Variants in PLCB1 observed in about 807,000 individuals in gnomAD.
PLCB1 encodes phospholipase C beta 1.
A neutral mutation model predicts 161.8 loss-of-function variants in PLCB1; 46 were observed. That is an observed-to-expected ratio of 0.28 (90% CI 0.22 to 0.36). PLCB1 has a LOEUF of 0.36. Ranked by LOEUF, PLCB1 falls within the 10% of genes least tolerant of loss-of-function variation. The pLI is 1.00. For missense variants in PLCB1, 1,016 were observed against 1,472.5 expected, an observed-to-expected ratio of 0.69 and a Z score of 5.07; for synonymous variants, 517 against 503.7, an observed-to-expected ratio of 1.03 and a Z score of -0.35.
At chr20:8,574,834 T>C (rs57246131) in intron 3 of PLCB1, among the ~76,000 whole-genome samples, 13 of 152,344 alleles carry the variant, frequency 8.5e-5, no homozygotes, top group Admixed American at 3.9e-4. Flanking sequence ...TGTTAGGCCT[T>C]AAGCAGGCTC....
At position 8,477,005 on chromosome 20, in the gene PLCB1, T is replaced by C. The variant is rs201280193; in HGVS notation, c.246+105555T>C. ...TTTTTTCAGGAAACTGATGGTCCAT[T>C]GTAGTTTTTCTGAAATCAGGCTGTA... On this transcript the variant is annotated intron_variant, in intron 3 of 31. Coordinates refer to ENST00000338037, the MANE Select transcript of PLCB1 (RefSeq NM_015192.4). Among the ~76,000 whole-genome samples the C allele has an allele frequency of 4.6e-5, 7 of 152,252 alleles. 1 individual carries two copies. In the East Asian group the frequency reaches 1.4e-3, roughly 29 times the overall value.
chr20:8,297,554 GC>G (rs1476021128), intron 2 of PLCB1, among the ~76,000 whole-genome samples: 1 of 152,088 alleles, frequency 6.6e-6, no homozygotes, highest in Non-Finnish European at 1.5e-5. Context: ...ATGGAGAAAG[GC>G]AATTGAATGC....
At chr20:8,641,346 A>G (rs937300402) in intron 4 of PLCB1, among the ~76,000 whole-genome samples, 5 of 152,260 alleles carry the variant, frequency 3.3e-5, no homozygotes, top group African/African-American at 1.2e-4. Flanking sequence ...TTCAAAAGAC[A>G]TAAATCATAA....
intron 23 of PLCB1, among the ~76,000 whole-genome samples, chr20:8,755,374 A>G (rs1223470906): frequency 6.6e-6 from 1 of 152,208 alleles, no homozygotes; most frequent in African/African-American, 2.4e-5. Flanking sequence ...ACTTCTGGAA[A>G]AATATATTTC....
At chr20:8,357,175 A>G (rs1411069664) in intron 2 of PLCB1, among the ~76,000 whole-genome samples, 2 of 152,222 alleles carry the variant, frequency 1.3e-5, no homozygotes, top group African/African-American at 2.4e-5. Context: ...TTCAAAAAAG[A>G]TAATGAAATT....
chr20:8,744,047 G>A (rs1981018860), intron 23 of PLCB1, among the ~76,000 whole-genome samples: 2 of 151,858 alleles, frequency 1.3e-5, no homozygotes, highest in Admixed American at 1.3e-4. Flanking sequence ...TCTCTAAATA[G>A]AAAACAGGAC....
At chr20:8,266,881 A>G (rs1436617029) in intron 2 of PLCB1, among the ~76,000 whole-genome samples, 2 of 152,122 alleles carry the variant, frequency 1.3e-5, no homozygotes, top group Non-Finnish European at 2.9e-5. Flanking sequence ...TCTACTAAAA[A>G]TACAAAAATT....
Position 8,820,090 on chromosome 20 carries a change from A to G in PLCB1, c.3423+29829A>G, listed in dbSNP as rs920504545. Among the ~76,000 whole-genome samples the G allele has an allele frequency of 1.2e-4, 18 of 147,906 alleles. 1 individual carries two copies. In the South Asian group the frequency reaches 1.9e-3, roughly 16 times the overall value. ...TTACACTGTATTGGTTATAATTTGT[A>G]TTATGTTTTATTTATGTTTTTTTTT... On this transcript the variant is annotated intron_variant, in intron 31 of 31. Coordinates refer to ENST00000338037, the MANE Select transcript of PLCB1 (RefSeq NM_015192.4).
chr20:8,700,335 T>C (rs907654160), intron 11 of PLCB1, among the ~76,000 whole-genome samples: 1 of 152,244 alleles, frequency 6.6e-6, no homozygotes, highest in Admixed American at 6.5e-5. Context: ...CTGAGTTCCT[T>C]GTGGGAGAAT....
At chr20:8,531,949 T>C (rs1180486008) in intron 3 of PLCB1, among the ~76,000 whole-genome samples, 1 of 151,984 alleles carries the variant, frequency 6.6e-6, no homozygotes, top group Admixed American at 6.6e-5. Flanking sequence ...TGGAAATTTA[T>C]GTATATAGCA....
intron 3 of PLCB1, among the ~76,000 whole-genome samples, chr20:8,603,560 C>T (rs1987664221): frequency 6.6e-6 from 1 of 152,220 alleles, no homozygotes; most frequent in Non-Finnish European, 1.5e-5. Context: ...ATCAGTGTTT[C>T]TCTCAGTCCC....
intron 2 of PLCB1, among the ~76,000 whole-genome samples, chr20:8,298,294 CAAAAAAAA>C (rs11474417): frequency 8.8e-6 from 1 of 113,068 alleles, no homozygotes; most frequent in Non-Finnish European, 2.0e-5. Context: ...GACTATGTCT[CAAAAAAAA>C]AAAAAAAAGA....
At chr20:8,322,168 G>A (rs748298452) in intron 2 of PLCB1, among the ~76,000 whole-genome samples, 30 of 151,978 alleles carry the variant, frequency 2.0e-4, no homozygotes, top group Non-Finnish European at 3.7e-4. Context: ...TCTCTTCATT[G>A]TCTTGTATTC....
intron 3 of PLCB1, among the ~76,000 whole-genome samples, chr20:8,572,261 T>C (rs1986546921): frequency 6.6e-6 from 1 of 152,182 alleles, no homozygotes; most frequent in Admixed American, 6.5e-5. Context: ...TCTTGATACA[T>C]GAACACCCTA....
At chr20:8,604,917 T>G (rs950367381) in intron 3 of PLCB1, among the ~76,000 whole-genome samples, 17 of 152,306 alleles carry the variant, frequency 1.1e-4, no homozygotes, top group African/African-American at 4.1e-4. Flanking sequence ...CTGAATATAT[T>G]TGTTATAAAT....
intron 2 of PLCB1, among the ~76,000 whole-genome samples, chr20:8,174,833 G>A (rs2051766274): frequency 6.6e-6 from 1 of 152,154 alleles, no homozygotes; most frequent in African/African-American, 2.4e-5. Context: ...AGGATTGCAT[G>A]AGGCCAGGAG....
At chr20:8,728,996 A>G (rs1369092297) in intron 17 of PLCB1, 54 bp from the exon 18 acceptor site, 17 of 1,283,732 alleles carry the variant, frequency 1.3e-5, no homozygotes, top group Non-Finnish European at 1.8e-5. Context: ...CTTAGTTACT[A>G]TTATTGACTA....
intron 31 of PLCB1, among the ~76,000 whole-genome samples, chr20:8,852,791 T>G (rs1454374807): frequency 6.6e-6 from 1 of 152,250 alleles, no homozygotes; most frequent in Admixed American, 6.5e-5. Flanking sequence ...CCAACCATCT[T>G]ACCTCACCAA....
intron 2 of PLCB1, among the ~76,000 whole-genome samples, chr20:8,302,224 T>C (rs1364256196): frequency 6.6e-6 from 1 of 152,242 alleles, no homozygotes; most frequent in Non-Finnish European, 1.5e-5. Flanking sequence ...TTTAACCTAC[T>C]GTTTTAGATA....
Sources: gnomAD v4.1 joint callset for allele counts (sites outside exome capture counted in the v4.1 genomes callset) on GRCh38, gnomAD v4.1.1 for gene constraint, MANE v1.5 for transcripts, NCBI Gene and HGNC (gene_info 2026-07-23, HGNC 2026-07-21) for gene names.